SRPX: variants seen among roughly 807,000 people sequenced by gnomAD.
SRPX encodes the protein sushi repeat-containing protein SRPX.
Under a neutral mutation model 38.1 loss-of-function variants are expected in SRPX, and 24 were observed. That is an observed-to-expected ratio of 0.63 (90% CI 0.46 to 0.89). SRPX has a LOEUF of 0.89. Ranked by LOEUF, SRPX falls within the 40% of genes least tolerant of loss-of-function variation. The pLI, the probability that SRPX is intolerant of heterozygous loss-of-function variation, is 0.00. For synonymous variants in SRPX, 184 were observed against 153.8 expected (o/e 1.20, Z -1.45); for missense variants, 416 against 377.8 (o/e 1.10, Z -0.84).
intron 1 of SRPX, among the ~76,000 whole-genome samples, chrX:38,207,636 C>G (rs1939237120): frequency 3.6e-5 from 4 of 112,247 alleles, no homozygotes; most frequent in Non-Finnish European, 5.6e-5. Context: ...AGACTCCAGA[C>G]CAAGACACTG....
chrX:38,157,345 G>C (rs1938153006), intron 7 of SRPX, among the ~76,000 whole-genome samples: 1 of 111,238 alleles, frequency 9.0e-6, no homozygotes, highest in South Asian at 3.9e-4. Context: ...GTGTTGGCAG[G>C]GCTATGCTCC....
intron 1 of SRPX, among the ~76,000 whole-genome samples, chrX:38,209,727 G>C (rs968131378): frequency 1.2e-4 from 14 of 112,306 alleles, no homozygotes; most frequent in African/African-American, 4.5e-4. Flanking sequence ...AACACCCCAA[G>C]GGCTGTTCCC....
intron 8 of SRPX, among the ~76,000 whole-genome samples, chrX:38,155,009 T>C (rs900724350): frequency 1.8e-5 from 2 of 109,612 alleles, no homozygotes; most frequent in African/African-American, 6.7e-5. Flanking sequence ...CCACACCCAA[T>C]CCCAGGGGAA....
intron 1 of SRPX, among the ~76,000 whole-genome samples, chrX:38,200,372 C>T (rs1378693712): frequency 8.9e-6 from 1 of 112,450 alleles, no homozygotes; most frequent in African/African-American, 3.2e-5. Flanking sequence ...TCTCCCTCAA[C>T]TCCACAATTT....
At chrX:38,163,705 C>G (rs1938307414) in intron 5 of SRPX, among the ~76,000 whole-genome samples, 1 of 112,331 alleles carries the variant, frequency 8.9e-6, no homozygotes, top group African/African-American at 3.2e-5. Context: ...TGAAATTGGT[C>G]CAGGAGAATG....
chrX:38,181,681 T>C (rs1297802001), intron 1 of SRPX, among the ~76,000 whole-genome samples: 1 of 112,092 alleles, frequency 8.9e-6, no homozygotes, highest in African/African-American at 3.2e-5. Context: ...CTCCAGCCCT[T>C]CCAATTTTGT....
At chrX:38,168,127 T>C (rs902411519) in intron 4 of SRPX, among the ~76,000 whole-genome samples, 11 of 110,862 alleles carry the variant, frequency 9.9e-5, no homozygotes, top group African/African-American at 3.0e-4. Context: ...ACCCGGTAGG[T>C]AGTGGAAATA....
chrX:38,208,236 T>C (rs939355297), intron 1 of SRPX, among the ~76,000 whole-genome samples: 1 of 111,951 alleles, frequency 8.9e-6, no homozygotes, highest in Non-Finnish European at 1.9e-5. Context: ...ATACATTCTA[T>C]GTATGTGCAT....
At chrX:38,173,638 T>C (rs7055010) in intron 3 of SRPX, among the ~76,000 whole-genome samples, 13,855 of 110,533 alleles carry the variant, frequency 0.13, 1,858 homozygotes, top group African/African-American at 0.4. Context: ...TTAGTAGAGA[T>C]GGGGTTTCAC....
At chrX:38,159,882 T>C in intron 7 of SRPX, 135 bp downstream of exon 7, 1 of 691,627 alleles carries the variant, frequency 1.4e-6, no homozygotes, top group Non-Finnish European at 2.1e-6. Context: ...ATCTAGGGAC[T>C]ATGTTCATCC....
rs779266804 is a variant in SRPX at position 38,199,405 on chromosome X, C to CA, written c.98-21062dup. Reference sequence around the variant, plus strand: ...TGGGCGACAGAGCGAGACTCCATCTCAAAAAAATAATAATAATAATTAAAA... The same window carrying CA: ...TGGGCGACAGAGCGAGACTCCATCTCAAAAAAAATAATAATAATAATTAAAA... On this transcript the variant is annotated intron_variant, in intron 1 of 9. Coordinates refer to ENST00000378533, the MANE Select transcript of SRPX (RefSeq NM_006307.5). 1.1e-4 allele frequency among the ~76,000 whole-genome samples: 11 copies of CA among 102,728 alleles called. No homozygotes were observed. The East Asian group carries it at 2.7e-3, about 25-fold the overall frequency. The allele number at this position is 102,728 out of a possible 115,157, so 89.2% of individuals were successfully genotyped here.
At chrX:38,176,287 A>G (rs186880010) in intron 2 of SRPX, among the ~76,000 whole-genome samples, 1 of 111,537 alleles carries the variant, frequency 9.0e-6, no homozygotes, top group Non-Finnish European at 1.9e-5. Flanking sequence ...AACTCACTCA[A>G]TTAATATGAA....
At chrX:38,161,661 T>G (rs924729245) in intron 5 of SRPX, among the ~76,000 whole-genome samples, 3 of 111,928 alleles carry the variant, frequency 2.7e-5, no homozygotes, top group Non-Finnish European at 5.6e-5. Context: ...CTAGGCATTT[T>G]GCATATATTT....
At chrX:38,158,000 A>C (rs1157106512) in intron 7 of SRPX, among the ~76,000 whole-genome samples, 2 of 112,516 alleles carry the variant, frequency 1.8e-5, no homozygotes, top group Non-Finnish European at 3.8e-5. Context: ...TCTCAGACAG[A>C]CAGACCCAGT....
rs747142408 is a variant in SRPX at position 38,219,682 on chromosome X, CCTT to C, written c.97+1011_97+1013del. The stretch of plus-strand genomic sequence containing the variant: ...TGCTAGAAAGATGGGCATCCTCTAT[CCTT>C]CTACCAGAACTCAGTAGGTTCATTT... On this transcript the variant is annotated intron_variant, in intron 1 of 9. Coordinates refer to ENST00000378533, the MANE Select transcript of SRPX (RefSeq NM_006307.5). Among the ~76,000 whole-genome samples the C allele has an allele frequency of 4.5e-5, 5 of 112,291 alleles. No homozygotes were observed. In the East Asian group the frequency reaches 1.4e-3, roughly 31 times the overall value.
Position 38,156,999 on chromosome X carries a change from G to A in SRPX, c.986C>T (p.Ala329Val). The A allele has an allele frequency of 8.3e-7, 1 of 1,211,490 alleles. No homozygotes were observed. Among genetic ancestry groups the A allele is most frequent in the Non-Finnish European group, 1.1e-6 (1 of 895,395 alleles). ...ATAAAACTGATCCAGAAGTGCAGCT[G>A]CCGTTCTGACACCCACATTGACGTT... The part of the protein sequence containing the change: ...AMNVNVGVRT[A>V]AALLDQFYEK... The change falls in exon 8 of 10, where the codon GCA becomes GTA. Residue 329 changes from alanine (A) to valine (V), a missense_variant. Ala to Val is a moderately conservative substitution (Grantham distance 64). Coordinates refer to ENST00000378533, the MANE Select transcript of SRPX (RefSeq NM_006307.5).
intron 1 of SRPX, among the ~76,000 whole-genome samples, chrX:38,201,675 G>A (rs1002136298): frequency 4.5e-5 from 5 of 111,202 alleles, no homozygotes; most frequent in African/African-American, 1.3e-4. Context: ...AAAAATTAGC[G>A]AGGTGCGGTG....
intron 1 of SRPX, among the ~76,000 whole-genome samples, chrX:38,211,683 G>A (rs900496995): frequency 1.7e-4 from 19 of 109,491 alleles, no homozygotes; most frequent in African/African-American, 6.3e-4. Context: ...CTGGGTGACA[G>A]AGCAAGACTC....
At chrX:38,181,069 C>A (rs761135225) in intron 1 of SRPX, among the ~76,000 whole-genome samples, 1 of 112,096 alleles carries the variant, frequency 8.9e-6, no homozygotes, top group East Asian at 2.8e-4. Context: ...AAGATATGTA[C>A]GGTAATTTTT....
Sources: gnomAD v4.1 joint callset for allele counts (sites outside exome capture counted in the v4.1 genomes callset) on GRCh38, gnomAD v4.1.1 for gene constraint, MANE v1.5 for transcripts, NCBI Gene and HGNC (gene_info 2026-07-23, HGNC 2026-07-21) for gene names.